Variants in SMCO2 observed in about 807,000 individuals in gnomAD.
The protein encoded by SMCO2 is single-pass membrane and coiled-coil domain-containing protein 2.
In SMCO2, 25 loss-of-function variants were observed where a neutral mutation model predicts 29.5. That is an observed-to-expected ratio of 0.85 (90% CI 0.62 to 1.18). The LOEUF (loss-of-function observed/expected upper bound fraction) is 1.18, where lower values mean the gene tolerates loss of function less well. Among genes scored for constraint, SMCO2 ranks in the 50% most tolerant of loss-of-function variants. The probability of loss-of-function intolerance (pLI) is 0.00; values close to 1 mark genes in which losing one functional copy is unlikely to be tolerated. For synonymous variants in SMCO2, 117 were observed against 123.3 expected (o/e 0.95, Z 0.34); for missense variants, 348 against 344.5 (o/e 1.01, Z -0.08).
chr12:27,457,164 G>T, the SMCO2 span, among the ~76,000 whole-genome samples: 11 of 152,132 alleles, frequency 7.2e-5, no homozygotes, highest in East Asian at 1.5e-3. Context: ...TCCTCTTGGT[G>T]GCAGGCCTAA....
chr12:27,436,220 A>C, the SMCO2 span, among the ~76,000 whole-genome samples: 3 of 152,208 alleles, frequency 2.0e-5, no homozygotes. Flanking sequence ...GGATTTCAAC[A>C]TATGAATCAG....
intron 2 of SMCO2, among the ~76,000 whole-genome samples, chr12:27,471,029 T>TA (rs1241835457): frequency 3.3e-5 from 5 of 152,198 alleles, no homozygotes; most frequent in African/African-American, 1.2e-4. Context: ...TGGATTGTTT[T>TA]ATGGCTTCAT....
chr12:27,494,312 A>C, exon 6 of SMCO2: 1 of 1,520,186 alleles, frequency 6.6e-7, no homozygotes, highest in Non-Finnish European at 8.8e-7. Flanking sequence ...GAATACTTGT[A>C]ATGAAGTTTA....
In SMCO2 at chr12:27,481,799, A is replaced by T. The variant is rs374462246; in HGVS notation, c.363-6661A>T. Among the ~76,000 whole-genome samples, 8 of 152,334 alleles carry T rather than the reference A, an allele frequency of 5.3e-5. 1 individual carries two copies. In the East Asian group the frequency reaches 9.6e-4, roughly 18 times the overall value. On this transcript the variant is annotated intron_variant, in intron 4 of 7. Transcript: ENST00000298876. ...ATATTGACATAAAGTTATCCGTAAC[A>T]TTCCCTTATTATATGATGTCTTTAG... is the stretch of plus-strand genomic sequence containing the variant.
At chr12:27,459,174 A>G in the SMCO2 span, among the ~76,000 whole-genome samples, 4,254 of 125,304 alleles carry the variant, frequency 0.034, 226 homozygotes, top group African/African-American at 0.13. Context: ...GCAACAGAGC[A>G]AGACTCCATC....
At chr12:27,447,974 C>T in the SMCO2 span, among the ~76,000 whole-genome samples, 1 of 152,200 alleles carries the variant, frequency 6.6e-6, no homozygotes, top group Admixed American at 6.5e-5. Flanking sequence ...CTGACCAGAG[C>T]CAAGTGGCCT....
chr12:27,436,092 A>G, the SMCO2 span, among the ~76,000 whole-genome samples: 1 of 152,196 alleles, frequency 6.6e-6, no homozygotes, highest in Admixed American at 6.5e-5. Flanking sequence ...AAAAGGAGAA[A>G]GGTTGCTCTC....
At chr12:27,480,226 C>T (rs551754246) in intron 4 of SMCO2, among the ~76,000 whole-genome samples, 3 of 152,334 alleles carry the variant, frequency 2.0e-5, no homozygotes, top group East Asian at 3.9e-4. Context: ...TTCTGCCTGC[C>T]TTGTTCCAGC....
At chr12:27,456,104 A>G in the SMCO2 span, among the ~76,000 whole-genome samples, 6 of 152,134 alleles carry the variant, frequency 3.9e-5, no homozygotes, top group Non-Finnish European at 8.8e-5. Context: ...AATCCCAGCT[A>G]CTCGGGAGGC....
the SMCO2 span, among the ~76,000 whole-genome samples, chr12:27,427,092 T>C: frequency 1.3e-4 from 20 of 152,308 alleles, no homozygotes; most frequent in African/African-American, 4.3e-4. Context: ...ATGTGATAGC[T>C]GCTACTTTAA....
intron 3 of SMCO2, 127 bp from the exon 4 acceptor site, chr12:27,474,659 A>T (rs2135549304): frequency 9.4e-7 from 1 of 1,062,942 alleles, no homozygotes; most frequent in Non-Finnish European, 1.3e-6. Flanking sequence ...GATGCATCAG[A>T]AAGCTCCAGT....
chr12:27,472,048 T>TA (rs1949545150), intron 2 of SMCO2, among the ~76,000 whole-genome samples: 1 of 152,072 alleles, frequency 6.6e-6, no homozygotes, highest in Non-Finnish European at 1.5e-5. Context: ...TATCTGTTAA[T>TA]AAAAAAACTG....
chr12:27,427,143 C>G, the SMCO2 span, among the ~76,000 whole-genome samples: 2 of 152,136 alleles, frequency 1.3e-5, no homozygotes, highest in African/African-American at 4.8e-5. Context: ...GAAGGTCAGG[C>G]TTTAACTTTG....
upstream of SMCO2, among the ~76,000 whole-genome samples, chr12:27,464,382 C>T (rs1264828884): frequency 6.6e-6 from 1 of 151,964 alleles, no homozygotes; most frequent in East Asian, 1.9e-4. Flanking sequence ...CAGAAACCAG[C>T]TGTTGGGGCC....
At chr12:27,501,188 G>A (rs924229800) in intron 7 of SMCO2, among the ~76,000 whole-genome samples, 11 of 149,302 alleles carry the variant, frequency 7.4e-5, no homozygotes, top group Admixed American at 6.6e-4. Flanking sequence ...AGGCCGAGGC[G>A]GGCGGATCAC....
chr12:27,480,974 C>T (rs545095360), intron 4 of SMCO2, among the ~76,000 whole-genome samples: 2 of 152,180 alleles, frequency 1.3e-5, no homozygotes, highest in Non-Finnish European at 2.9e-5. Flanking sequence ...CAAACTTTGG[C>T]TCCCTTTGTC....
the SMCO2 span, among the ~76,000 whole-genome samples, chr12:27,446,847 G>A: frequency 6.6e-6 from 1 of 152,138 alleles, no homozygotes. Flanking sequence ...AGGGGGCCTG[G>A]GAATTTGCAT....
chr12:27,455,709 C>T, the SMCO2 span, among the ~76,000 whole-genome samples: 1 of 152,036 alleles, frequency 6.6e-6, no homozygotes, highest in African/African-American at 2.4e-5. Context: ...AACAGCCCCC[C>T]AAAATTGAAA....
At position 27,475,567 on chromosome 12, in the gene SMCO2, A is replaced by G. The variant is rs1237511061; in HGVS notation, c.362+654A>G. On this transcript the variant is annotated intron_variant, in intron 4 of 7. Transcript: ENST00000298876. ...ATTTTCTGCTTTGAAAATGATCACC[A>G]TAATATTTCCGCAGGTGTCTGAAGG... 6.6e-7 allele frequency: 1 copy of G among 1,516,116 alleles called. No individual in the cohort carries two copies. The highest frequency in any genetic ancestry group is 1.4e-5 in the African/African-American group (1 of 70,310). The allele number at this position is 1,516,116 out of a possible 1,614,324, so 93.9% of individuals were successfully genotyped here. A position where few individuals can be genotyped will look rare whatever the true frequency, so the allele number is the denominator to read the frequency against.
Sources: allele counts gnomAD v4.1 joint callset (sites outside exome capture counted in the v4.1 genomes callset), GRCh38; gene constraint gnomAD v4.1.1; transcripts MANE v1.5; gene names NCBI Gene and HGNC (gene_info 2026-07-23, HGNC 2026-07-21).